Variants in SH2B3 observed in about 807,000 individuals in gnomAD.
SH2B3 encodes SH2B adaptor protein 3.
In SH2B3, 43 loss-of-function variants were observed where a neutral mutation model predicts 51.9. The observed-to-expected ratio is 0.83, with a 90% confidence interval of 0.65 to 1.07. The LOEUF (loss-of-function observed/expected upper bound fraction) is 1.07. Ranked by LOEUF, SH2B3 falls within the 50% of genes least tolerant of loss-of-function variation. The pLI, the probability that SH2B3 is intolerant of heterozygous loss-of-function variation, is 0.00. For synonymous variants in SH2B3, 396 were observed against 376.0 expected (o/e 1.05, Z -0.62); for missense variants, 952 against 834.3 (o/e 1.14, Z -1.74).
At chr12:111,442,599 G>C (rs1873530737) in intron 2 of SH2B3, among the ~76,000 whole-genome samples, 1 of 152,228 alleles carries the variant, frequency 6.6e-6, no homozygotes, top group African/African-American at 2.4e-5. Context: ...TTGCTGCTGG[G>C]GTGTGTCAGA....
intron 2 of SH2B3, among the ~76,000 whole-genome samples, chr12:111,439,474 C>G (rs1385682114): frequency 2.6e-5 from 4 of 152,024 alleles, no homozygotes; most frequent in African/African-American, 9.7e-5. Flanking sequence ...TTAATAGAGA[C>G]AGGGTTTCAC....
rs1874127038 is a variant in SH2B3 at position 111,447,547 on chromosome 12, AT to A, written c.1236+4del. 361 of 587,624 alleles carry A rather than the reference AT, an allele frequency of 6.1e-4. No individual in the cohort carries two copies. The highest frequency in any genetic ancestry group is 2.3e-3 in the South Asian group (130 of 55,992). 36.4% of individuals were successfully genotyped at this position (587,624 alleles called of 1,614,324 possible). A position where few individuals can be genotyped will look rare whatever the true frequency, so the allele number is the denominator to read the frequency against. On this transcript the variant is annotated splice_donor_region_variant and intron_variant, in intron 6 of 7. Coordinates refer to ENST00000341259, the MANE Select transcript of SH2B3 (RefSeq NM_005475.3). Reference sequence around the variant, plus strand: ...TCAACTTTCAGGGGATAGCCAAGGTATGGGGTGGGGTGGGGTGGGGTGGGGC... The same window carrying A: ...TCAACTTTCAGGGGATAGCCAAGGTAGGGGTGGGGTGGGGTGGGGTGGGGC...
intron 2 of SH2B3, among the ~76,000 whole-genome samples, chr12:111,427,075 TC>T (rs113124042): frequency 3.9e-5 from 6 of 152,218 alleles, no homozygotes; most frequent in African/African-American, 1.2e-4. Context: ...AATCCAGACT[TC>T]TGGTTTCTCT....
intron 2 of SH2B3, among the ~76,000 whole-genome samples, chr12:111,440,612 TG>T (rs1021965558): frequency 1.3e-5 from 2 of 152,246 alleles, no homozygotes; most frequent in Non-Finnish European, 2.9e-5. Flanking sequence ...TCTTCTAGCC[TG>T]GGGCTGTGCC....
intron 2 of SH2B3, among the ~76,000 whole-genome samples, chr12:111,441,193 T>C (rs895611974): frequency 6.6e-6 from 1 of 151,792 alleles, no homozygotes; most frequent in South Asian, 2.1e-4. Flanking sequence ...CTGGACAACA[T>C]AGCGAGATCC....
In SH2B3 at chr12:111,418,847, C is replaced by T. The variant is rs1871316579; in HGVS notation, c.702C>T (p.Asp234=). ...GGGCCCCGGGCCCCGATGGCCCCGA[C>T]CGCGTGCTGGAGCTCTTCGACCCAC... ...LRRAPGPDGP[D]RVLELFDPPK... is the part of the protein sequence containing the mutation. Residue 234 remains aspartate (D), a synonymous_variant, in exon 2 of 8, where the codon GAC becomes GAT. Transcript: ENST00000341259. The surrounding 1 kb of genome is among the most constrained non-coding windows in gnomAD (Gnocchi z 6.7). The T allele has an allele frequency of 7.1e-7, 1 of 1,417,576 alleles. No homozygotes were observed. Among genetic ancestry groups the T allele is most frequent in the Non-Finnish European group, 9.1e-7 (1 of 1,099,712 alleles). 87.8% of individuals were successfully genotyped at this position (1,417,576 alleles called of 1,614,324 possible).
rs989205932 is a variant in SH2B3 at position 111,438,216 on chromosome 12, G to C, written c.733-8537G>C. 6.6e-6 allele frequency among the ~76,000 whole-genome samples: 1 copy of C among 152,202 alleles called. No individual in the cohort carries two copies. Among genetic ancestry groups the C allele is most frequent in the East Asian group, 1.9e-4 (1 of 5,168 alleles). On this transcript the variant is annotated intron_variant, in intron 2 of 7. Transcript: ENST00000341259. This position sits in a 1 kb window ranked among gnomAD's most constrained non-coding sequence, Gnocchi z 4.2. ...GCGGCTGGAGGGAGACCAGGTGTTG[G>C]GGGTGCTGGGGCTGGGGGTGGGCAG...
chr12:111,413,536 C>T (rs1488378276), intron 1 of SH2B3, among the ~76,000 whole-genome samples: 3 of 152,144 alleles, frequency 2.0e-5, no homozygotes, highest in African/African-American at 4.8e-5. Flanking sequence ...CTGGAGTGGG[C>T]GCAGCTGTTT....
rs1874556904 is a variant in SH2B3, at chr12:111,451,202, G to A, written c.*2900G>A. ...GCCTTTGATCATTTCTGGACCGTAG[G>A]AAAAAGGAATAGCAATCATTAAAAT... On this transcript the variant is annotated 3_prime_UTR_variant, in exon 8 of 8. Coordinates refer to ENST00000341259, the MANE Select transcript of SH2B3 (RefSeq NM_005475.3). 6.6e-6 allele frequency: 1 copy of A among 152,610 alleles called. No homozygotes were observed. The allele number at this position is 152,610 out of a possible 1,614,324, so 9.5% of individuals were successfully genotyped here.
At chr12:111,424,510 C>G (rs1357103876) in intron 2 of SH2B3, among the ~76,000 whole-genome samples, 1 of 152,106 alleles carries the variant, frequency 6.6e-6, no homozygotes, top group African/African-American at 2.4e-5. Flanking sequence ...ATGGTAGGGC[C>G]CCATCAGATT....
intron 2 of SH2B3, among the ~76,000 whole-genome samples, chr12:111,432,685 C>A (rs927692159): frequency 2.0e-5 from 3 of 152,200 alleles, no homozygotes; most frequent in Admixed American, 1.3e-4. Flanking sequence ...CCCTCCCCAG[C>A]CCCTGGCAAC....
At chr12:111,427,588 C>T (rs1338232342) in intron 2 of SH2B3, among the ~76,000 whole-genome samples, 2 of 152,100 alleles carry the variant, frequency 1.3e-5, no homozygotes, top group Non-Finnish European at 2.9e-5. Context: ...CCTTGGGCCC[C>T]AGACCTTCCC....
rs1360215152 is a variant in SH2B3, at chr12:111,418,746, C to T, written c.601C>T (p.Leu201=). ...ACCCGAGGCGCTGAAGGAGGCGGTG[C>T]TGCGCTACAGCCTGGCCGACGAGGC... ...PPPEALKEAV[L]RYSLADEASM... The change falls in exon 2 of 8, where the codon CTG becomes TTG. Residue 201 remains leucine (L), a synonymous_variant. Coordinates refer to ENST00000341259, the MANE Select transcript of SH2B3 (RefSeq NM_005475.3). The surrounding 1 kb of genome is among the most constrained non-coding windows in gnomAD (Gnocchi z 6.7). 42 of 1,484,528 alleles carry T rather than the reference C, an allele frequency of 2.8e-5. No individual in the cohort carries two copies. The highest frequency in any genetic ancestry group is 3.7e-5 in the Non-Finnish European group (42 of 1,125,234). 92.0% of individuals were successfully genotyped at this position (1,484,528 alleles called of 1,614,324 possible).
In SH2B3 at chr12:111,449,541, G is replaced by A. The variant is rs1874389432; in HGVS notation, c.*1239G>A. 6.6e-6 allele frequency: 1 copy of A among 152,244 alleles called. No homozygotes were observed. The highest frequency in any genetic ancestry group is 6.5e-5 in the Admixed American group (1 of 15,272). 9.4% of individuals were successfully genotyped at this position (152,244 alleles called of 1,614,324 possible). ...GCACACACAATCTCCACCATCCAGG[G>A]AGGTCCTGAAGTCAAATCTCTATCT... On this transcript the variant is annotated 3_prime_UTR_variant, in exon 8 of 8. Coordinates refer to ENST00000341259, the MANE Select transcript of SH2B3 (RefSeq NM_005475.3).
chr12:111,415,922 CATTT>C (rs1354981420), intron 1 of SH2B3, among the ~76,000 whole-genome samples: 1 of 151,348 alleles, frequency 6.6e-6, no homozygotes, highest in African/African-American at 2.4e-5. Flanking sequence ...GCCCCCGGCC[CATTT>C]ATTTATGTAT....
At position 111,448,664 on chromosome 12, in the gene SH2B3, G is replaced by A. The variant is rs746840999; in HGVS notation, c.*362G>A. 1.2e-4 allele frequency: 27 copies of A among 227,044 alleles called. No homozygotes were observed. The highest frequency in any genetic ancestry group is 9.7e-5 in the Non-Finnish European group (11 of 113,288). The allele number at this position is 227,044 out of a possible 1,614,324, so 14.1% of individuals were successfully genotyped here. ...TCTTTTTCACTGACACTGTCACAGC[G>A]GATGACAGACTTTCTACGGGGAGGA... On this transcript the variant is annotated 3_prime_UTR_variant, in exon 8 of 8. Transcript: ENST00000341259.
Position 111,411,700 on chromosome 12 carries a change from T to C in SH2B3, c.-28+5423T>C, listed in dbSNP as rs117743000. ...CTCAATAGCCCTTTGGTGGACCCGGTTGTGTTCTGAGCTTGGGGTCCTGAG... is the reference window on the plus strand; with the variant it reads ...CTCAATAGCCCTTTGGTGGACCCGGCTGTGTTCTGAGCTTGGGGTCCTGAG... On this transcript the variant is annotated intron_variant, in intron 1 of 7. Coordinates refer to ENST00000341259, the MANE Select transcript of SH2B3 (RefSeq NM_005475.3). 5.5e-3 allele frequency among the ~76,000 whole-genome samples: 839 copies of C among 152,180 alleles called. 5 individuals carry two copies. Among genetic ancestry groups the C allele is most frequent in the Admixed American group, 0.01 (159 of 15,294 alleles).
rs1317411735 is a variant in SH2B3 at position 111,446,831 on chromosome 12, A to G, written c.811A>G (p.Asn271Asp). Residue 271 changes from asparagine (N) to aspartate (D), a missense_variant, in exon 3 of 8, where the codon AAC becomes GAC. Coordinates refer to ENST00000341259, the MANE Select transcript of SH2B3 (RefSeq NM_005475.3). ...RWCTRLEMPD[N>D]LYTFVLKVKD... ...GTGCACACGGCTTGAGATGCCTGAC[A>G]ACCTTTACACCTTTGTGCTGAAGGT... is the stretch of plus-strand genomic sequence containing the variant. 3 of 1,592,178 alleles carry G rather than the reference A, an allele frequency of 1.9e-6. No homozygotes were observed. In the Admixed American group the frequency reaches 5.1e-5, roughly 27 times the overall value.
chr12:111,446,901 A>G (rs1874026229), intron 3 of SH2B3, 41 bp from the exon 4 acceptor site: 4 of 1,602,952 alleles, frequency 2.5e-6, no homozygotes, highest in Admixed American at 1.7e-5. Flanking sequence ...AAATACATAC[A>G]CATACAGCAG....
Sources: allele counts gnomAD v4.1 joint callset (sites outside exome capture counted in the v4.1 genomes callset), GRCh38; gene constraint gnomAD v4.1.1; non-coding constraint Gnocchi (gnomAD v3.1); transcripts MANE v1.5; gene names NCBI Gene and HGNC (gene_info 2026-07-23, HGNC 2026-07-21).